TMEM131: variants seen among roughly 807,000 people sequenced by gnomAD.
The protein encoded by TMEM131 is transmembrane protein 131.
Under a neutral mutation model 211.6 loss-of-function variants are expected in TMEM131, and 66 were observed. The observed-to-expected ratio is 0.31, with a 90% confidence interval of 0.26 to 0.38. TMEM131 has a LOEUF of 0.38. Ranked by LOEUF, TMEM131 falls within the 10% of genes least tolerant of loss-of-function variation. The pLI is 1.00. For synonymous variants in TMEM131, 844 were observed against 841.3 expected (o/e 1.00, Z -0.06); for missense variants, 2,036 against 2,299.3 (o/e 0.89, Z 2.34).
At chr2:97,931,800 G>A (rs1677230646) in intron 1 of TMEM131, among the ~76,000 whole-genome samples, 1 of 152,222 alleles carries the variant, frequency 6.6e-6, no homozygotes, top group Non-Finnish European at 1.5e-5. Context: ...CCCCAAAGCT[G>A]TGTTACAGAG....
At chr2:97,855,121 A>C (rs1313116700) in intron 5 of TMEM131, among the ~76,000 whole-genome samples, 1 of 152,214 alleles carries the variant, frequency 6.6e-6, no homozygotes, top group Non-Finnish European at 1.5e-5. Flanking sequence ...TTAAGTAGAC[A>C]CTTCATAAAT....
intron 1 of TMEM131, among the ~76,000 whole-genome samples, chr2:97,951,275 C>G (rs1559470258): frequency 6.6e-6 from 1 of 152,158 alleles, no homozygotes; most frequent in African/African-American, 2.4e-5. Flanking sequence ...TTTGTAAGCC[C>G]CTGTGATGGT....
Position 97,995,603 on chromosome 2 carries a change from G to A in TMEM131, c.60C>T (p.Ser20=), listed in dbSNP as rs1195950870. 3.2e-6 allele frequency: 4 copies of A among 1,251,746 alleles called. No individual in the cohort carries two copies. The highest frequency in any genetic ancestry group is 1.6e-5 in the African/African-American group (1 of 63,904). The allele number at this position is 1,251,746 out of a possible 1,614,324, so 77.5% of individuals were successfully genotyped here. A position where few individuals can be genotyped will look rare whatever the true frequency, so the allele number is the denominator to read the frequency against. Residue 20 remains serine (S), a synonymous_variant, in exon 1 of 41, where the codon TCC becomes TCT. Coordinates refer to ENST00000186436, the MANE Select transcript of TMEM131 (RefSeq NM_015348.2). ...TGATTAAVST[S]AGAGLEPAAA... The stretch of plus-strand genomic sequence containing the variant: ...CCGCAGGTTCCAGCCCGGCCCCGGC[G>A]GACGTGGAGACGGCGGCGGTGGTGG...
chr2:97,881,265 G>T (rs1021897505), intron 4 of TMEM131, among the ~76,000 whole-genome samples: 1 of 150,978 alleles, frequency 6.6e-6, no homozygotes, highest in Non-Finnish European at 1.5e-5. Flanking sequence ...TTGAGACAGG[G>T]TCTGGCTCTG....
At chr2:97,934,791 T>C (rs1055831707) in intron 1 of TMEM131, among the ~76,000 whole-genome samples, 1 of 152,120 alleles carries the variant, frequency 6.6e-6, no homozygotes, top group Admixed American at 6.5e-5. Context: ...ACAGAAGCAA[T>C]GAGACATCTA....
At chr2:97,980,262 A>C (rs747400764) in intron 1 of TMEM131, among the ~76,000 whole-genome samples, 2 of 152,224 alleles carry the variant, frequency 1.3e-5, no homozygotes, top group Non-Finnish European at 2.9e-5. Context: ...AGCATATGCT[A>C]TTGGAAAAAT....
rs144766800 is a variant in TMEM131, at chr2:97,864,465, C to A, written c.360-5038G>T. ...TGATGTGATTTTTATGCATTGCATACCTGTATCAAAATATCTTAGGTAATC... is the reference window on the plus strand; with the variant it reads ...TGATGTGATTTTTATGCATTGCATAACTGTATCAAAATATCTTAGGTAATC... On this transcript the variant is annotated intron_variant, in intron 4 of 40. Transcript: ENST00000186436. Among the ~76,000 whole-genome samples the A allele has an allele frequency of 8.6e-3, 1,309 of 152,164 alleles. 14 individuals are homozygous for A. The highest frequency in any genetic ancestry group is 0.011 in the Non-Finnish European group (777 of 68,002).
At chr2:97,947,405 G>C (rs999624119) in intron 1 of TMEM131, among the ~76,000 whole-genome samples, 3 of 151,930 alleles carry the variant, frequency 2.0e-5, no homozygotes, top group African/African-American at 7.2e-5. Flanking sequence ...GTAAGATTAG[G>C]AAAGTAGGAA....
At chr2:97,959,441 T>C (rs936561825) in intron 1 of TMEM131, among the ~76,000 whole-genome samples, 2 of 152,192 alleles carry the variant, frequency 1.3e-5, no homozygotes, top group South Asian at 2.1e-4. Flanking sequence ...CACCTTTTAC[T>C]GTAGAAAAGG....
chr2:97,907,725 A>T (rs1676131148), intron 3 of TMEM131, among the ~76,000 whole-genome samples: 1 of 152,190 alleles, frequency 6.6e-6, no homozygotes, highest in African/African-American at 2.4e-5. Flanking sequence ...ATACTTCTAA[A>T]AACACACACT....
chr2:97,934,848 C>T (rs1181667686), intron 1 of TMEM131, among the ~76,000 whole-genome samples: 1 of 152,152 alleles, frequency 6.6e-6, no homozygotes, highest in Non-Finnish European at 1.5e-5. Context: ...CTAATCCTTA[C>T]AACTTATACA....
At chr2:97,786,941 A>G (rs1406513344) in intron 31 of TMEM131, among the ~76,000 whole-genome samples, 1 of 152,234 alleles carries the variant, frequency 6.6e-6, no homozygotes, top group South Asian at 2.1e-4. Context: ...TTCCTTCAGA[A>G]CTATATGACA....
chr2:97,789,579 G>C (rs1019704244), intron 31 of TMEM131, among the ~76,000 whole-genome samples: 1 of 152,182 alleles, frequency 6.6e-6, no homozygotes, highest in Non-Finnish European at 1.5e-5. Context: ...CCTGCCTAAT[G>C]GCAGAACGTG....
chr2:97,941,914 G>T (rs56210806), intron 1 of TMEM131, among the ~76,000 whole-genome samples: 5,316 of 152,092 alleles, frequency 0.035, 300 homozygotes, highest in African/African-American at 0.11. Context: ...GAAGACAGTG[G>T]GGCGATTCCT....
At chr2:97,937,705 A>T (rs963418239) in intron 1 of TMEM131, among the ~76,000 whole-genome samples, 10 of 152,216 alleles carry the variant, frequency 6.6e-5, no homozygotes, top group Non-Finnish European at 1.0e-4. Flanking sequence ...AAAACACAGG[A>T]AATAAAAACA....
intron 1 of TMEM131, among the ~76,000 whole-genome samples, chr2:97,933,964 G>A (rs1182923621): frequency 1.3e-5 from 2 of 152,024 alleles, no homozygotes; most frequent in Non-Finnish European, 2.9e-5. Context: ...CCCTGAGACT[G>A]GGAACATGTC....
chr2:97,887,886 AC>A (rs768750133), intron 4 of TMEM131, 165 bp downstream of exon 4: 21 of 567,728 alleles, frequency 3.7e-5, no homozygotes, highest in Middle Eastern at 4.6e-4. Context: ...CCTAATAGAT[AC>A]TTACTTCCCA....
At chr2:97,977,764 T>C (rs552039543) in intron 1 of TMEM131, among the ~76,000 whole-genome samples, 106 of 152,266 alleles carry the variant, frequency 7.0e-4, no homozygotes, top group Middle Eastern at 3.4e-3. Flanking sequence ...TAATGGTTGC[T>C]GAAGGGTGGG....
intron 1 of TMEM131, among the ~76,000 whole-genome samples, chr2:97,958,265 T>G (rs1034006194): frequency 3.3e-5 from 5 of 152,126 alleles, no homozygotes; most frequent in Non-Finnish European, 5.9e-5. Context: ...TTCCAGTAAT[T>G]TGCCCAAGGT....
Sources: gnomAD v4.1 joint callset for allele counts (sites outside exome capture counted in the v4.1 genomes callset) on GRCh38, gnomAD v4.1.1 for gene constraint, MANE v1.5 for transcripts, NCBI Gene and HGNC (gene_info 2026-07-23, HGNC 2026-07-21) for gene names.